The following AP3B1 variants were observed in gnomAD, a reference collection of about 807,000 sequenced individuals.
The protein encoded by AP3B1 is adaptor related protein complex 3 subunit beta 1.
In AP3B1, 61 loss-of-function variants were observed where a neutral mutation model predicts 132.5. The ratio of observed to expected loss-of-function variants is 0.46; its 90% CI spans 0.37 to 0.57. The LOEUF (loss-of-function observed/expected upper bound fraction) is 0.57, where lower values mean the gene tolerates loss of function less well. Among genes scored for constraint, AP3B1 ranks in the 20% least tolerant of loss-of-function variants. AP3B1 has a pLI of 0.00. For synonymous variants in AP3B1, 388 were observed against 438.3 expected (o/e 0.89, Z 1.43); for missense variants, 1,120 against 1,289.4 (o/e 0.87, Z 2.01).
chr5:78,221,027 G>A (rs2112483946), intron 6 of AP3B1, among the ~76,000 whole-genome samples: 1 of 152,244 alleles, frequency 6.6e-6, no homozygotes, highest in Non-Finnish European at 1.5e-5. Context: ...CCAGCCCTGG[G>A]TGACAGAGTA....
At chr5:78,099,500 T>A (rs1175546089) in intron 21 of AP3B1, among the ~76,000 whole-genome samples, 1 of 152,196 alleles carries the variant, frequency 6.6e-6, no homozygotes, top group Non-Finnish European at 1.5e-5. Context: ...TGGGCTTTCA[T>A]CTAAATGCAA....
At chr5:78,234,119 TAGTAATG>T (rs148829177) in intron 3 of AP3B1, among the ~76,000 whole-genome samples, 38 of 152,272 alleles carry the variant, frequency 2.5e-4, no homozygotes, top group African/African-American at 9.1e-4. Flanking sequence ...TAGTAAAAGG[TAGTAATG>T]ACTTCATTCC....
chr5:78,021,396 GA>G (rs1747091066), intron 24 of AP3B1, among the ~76,000 whole-genome samples: 1 of 152,076 alleles, frequency 6.6e-6, no homozygotes, highest in Admixed American at 6.6e-5. Context: ...GACAGGATAT[GA>G]AGAATTTAAG....
chr5:78,010,232 T>C (rs1025649893), intron 26 of AP3B1, among the ~76,000 whole-genome samples: 1 of 152,120 alleles, frequency 6.6e-6, no homozygotes, highest in African/African-American at 2.4e-5. Flanking sequence ...CAGTAAAAAA[T>C]AAAACATATA....
chr5:78,085,568 G>A (rs1469615104), intron 22 of AP3B1, among the ~76,000 whole-genome samples: 3 of 152,094 alleles, frequency 2.0e-5, no homozygotes, highest in African/African-American at 7.2e-5. Flanking sequence ...CTACGAGTAA[G>A]CACTATTCTG....
At chr5:78,078,873 C>T (rs752311326) in intron 22 of AP3B1, among the ~76,000 whole-genome samples, 38 of 152,324 alleles carry the variant, frequency 2.5e-4, no homozygotes, top group Non-Finnish European at 3.5e-4. Flanking sequence ...TTTCAGTCTG[C>T]ATGTATGTTA....
At chr5:78,154,603 A>G (rs1580417261) in intron 14 of AP3B1, among the ~76,000 whole-genome samples, 3 of 151,774 alleles carry the variant, frequency 2.0e-5, no homozygotes, top group East Asian at 1.9e-4. Flanking sequence ...TTTTGAGACT[A>G]TTTTCTAGAT....
At chr5:78,178,377 C>CT (rs1384923971) in intron 8 of AP3B1, among the ~76,000 whole-genome samples, 1 of 152,172 alleles carries the variant, frequency 6.6e-6, no homozygotes, top group Admixed American at 6.5e-5. Flanking sequence ...ACTCCCACCC[C>CT]TTTGGGAGGC....
intron 22 of AP3B1, among the ~76,000 whole-genome samples, chr5:78,041,229 G>A (rs1030906295): frequency 2.7e-4 from 41 of 150,480 alleles, no homozygotes; most frequent in African/African-American, 8.1e-4. Context: ...GGCTGAGATC[G>A]CGCCATTGCA....
At chr5:78,244,420 A>G (rs77569828) in intron 2 of AP3B1, among the ~76,000 whole-genome samples, 1 of 149,098 alleles carries the variant, frequency 6.7e-6, no homozygotes, top group Non-Finnish European at 1.5e-5. Flanking sequence ...AACTCAAAAG[A>G]AAAAAAAAAG....
chr5:78,144,583 T>C (rs1344931935), intron 14 of AP3B1, among the ~76,000 whole-genome samples: 8 of 152,274 alleles, frequency 5.3e-5, no homozygotes, highest in African/African-American at 1.9e-4. Flanking sequence ...ATACTCTGTA[T>C]CTGGACTCAA....
chr5:78,116,297 ACTT>A, intron 17 of AP3B1, 63 bp from the exon 18 acceptor site: 1 of 1,407,068 alleles, frequency 7.1e-7, no homozygotes, highest in Non-Finnish European at 1.0e-6. Context: ...GTTCTGGCAA[ACTT>A]AATCATTAAC....
chr5:78,263,673 A>G (rs1748196550), intron 2 of AP3B1, among the ~76,000 whole-genome samples: 1 of 152,138 alleles, frequency 6.6e-6, no homozygotes, highest in Admixed American at 6.5e-5. Context: ...GTTTCCTCCT[A>G]TTCCTAGTTT....
intron 21 of AP3B1, among the ~76,000 whole-genome samples, chr5:78,093,922 T>A (rs564507285): frequency 6.6e-6 from 1 of 152,222 alleles, no homozygotes; most frequent in Non-Finnish European, 1.5e-5. Context: ...AGAGCTGGGA[T>A]TGAAACTCAG....
At chr5:78,054,548 C>G (rs946376012) in intron 22 of AP3B1, among the ~76,000 whole-genome samples, 1 of 152,190 alleles carries the variant, frequency 6.6e-6, no homozygotes, top group Non-Finnish European at 1.5e-5. Flanking sequence ...TGGGGCCATG[C>G]TGAACAGATT....
intron 1 of AP3B1, among the ~76,000 whole-genome samples, chr5:78,283,621 A>G (rs1217189152): frequency 1.3e-5 from 2 of 152,222 alleles, no homozygotes; most frequent in Non-Finnish European, 2.9e-5. Context: ...CAGCCCAGGT[A>G]GCTGTCCTGA....
At chr5:78,098,689 G>A (rs950626903) in intron 21 of AP3B1, among the ~76,000 whole-genome samples, 1 of 152,198 alleles carries the variant, frequency 6.6e-6, no homozygotes, top group African/African-American at 2.4e-5. Context: ...ATGCTGCAAT[G>A]AAATTTTTGT....
At chr5:78,128,839 A>G (rs946052634) in intron 16 of AP3B1, among the ~76,000 whole-genome samples, 10 of 152,146 alleles carry the variant, frequency 6.6e-5, no homozygotes, top group Non-Finnish European at 1.5e-4. Flanking sequence ...GTCATTATTT[A>G]TAAGAATAAG....
At chr5:78,244,909 C>T (rs1353810820) in intron 2 of AP3B1, among the ~76,000 whole-genome samples, 1 of 151,986 alleles carries the variant, frequency 6.6e-6, no homozygotes, top group African/African-American at 2.4e-5. Context: ...GCACGAGAAT[C>T]GCTTGAACCC....
Sources: allele counts gnomAD v4.1 joint callset (sites outside exome capture counted in the v4.1 genomes callset), GRCh38; gene constraint gnomAD v4.1.1; transcripts MANE v1.5; gene names NCBI Gene and HGNC (gene_info 2026-07-23, HGNC 2026-07-21).